Variants in GABRR1 observed in about 807,000 individuals in gnomAD.
GABRR1 encodes the protein gamma-aminobutyric acid type A receptor subunit rho1.
A neutral mutation model predicts 55.5 loss-of-function variants in GABRR1; 59 were observed. That is an observed-to-expected ratio of 1.06 (90% CI 0.86 to 1.32). The LOEUF is 1.32. GABRR1 is among the 40% of genes most tolerant of loss of function. GABRR1 has a pLI of 0.00. For synonymous variants in GABRR1, 213 were observed against 226.0 expected, an observed-to-expected ratio of 0.94 and a Z score of 0.51; for missense variants, 602 against 619.1, an observed-to-expected ratio of 0.97 and a Z score of 0.29.
At chr6:89,216,977 A>T (rs1040482324) in intron 1 of GABRR1, among the ~76,000 whole-genome samples, 97 of 152,198 alleles carry the variant, frequency 6.4e-4, no homozygotes, top group African/African-American at 2.3e-3. Flanking sequence ...AAGGAATTTT[A>T]AAAATGCACT....
chr6:89,183,135 G>A (rs1771780476), intron 7 of GABRR1, among the ~76,000 whole-genome samples: 1 of 135,392 alleles, frequency 7.4e-6, no homozygotes, highest in Non-Finnish European at 1.6e-5. Context: ...GAAGAGAAAG[G>A]GAGGATGATG....
chr6:89,199,458 A>G (rs1562299836), intron 3 of GABRR1, 29 bp from the exon 4 acceptor site: 1 of 1,605,758 alleles, frequency 6.2e-7, no homozygotes, highest in East Asian at 2.2e-5. Flanking sequence ...AAGAGCATTC[A>G]CTGTTTTTAC....
chr6:89,214,630 G>C (rs986925969), intron 1 of GABRR1, among the ~76,000 whole-genome samples: 3 of 152,146 alleles, frequency 2.0e-5, no homozygotes, highest in Non-Finnish European at 4.4e-5. Context: ...CATACAAGTG[G>C]CCAACAGATA....
At chr6:89,180,567 G>T in intron 8 of GABRR1, 79 bp from the exon 9 acceptor site, 3 of 1,520,066 alleles carry the variant, frequency 2.0e-6, no homozygotes, top group Non-Finnish European at 2.7e-6. Flanking sequence ...CTGCTCATTT[G>T]TCCCTGCTGC....
chr6:89,180,859 T>A (rs1353427400), intron 8 of GABRR1, among the ~76,000 whole-genome samples: 1 of 152,180 alleles, frequency 6.6e-6, no homozygotes, highest in Non-Finnish European at 1.5e-5. Flanking sequence ...TAACTACTGC[T>A]CCATCAAGGG....
At chr6:89,185,206 A>ACTG (rs1771863291) in intron 7 of GABRR1, 104 bp downstream of exon 7, 3 of 1,423,850 alleles carry the variant, frequency 2.1e-6, no homozygotes, top group Non-Finnish European at 2.9e-6. Context: ...TATAAGTGAC[A>ACTG]CTGCTCACCT....
intron 1 of GABRR1, chr6:89,204,746 T>C: frequency 1.1e-6 from 1 of 895,734 alleles, no homozygotes; most frequent in Non-Finnish European, 1.5e-6. Flanking sequence ...TTTTTCATTA[T>C]TAATATTATT....
chr6:89,187,563 G>C (rs1228578792), intron 6 of GABRR1, among the ~76,000 whole-genome samples: 1 of 152,094 alleles, frequency 6.6e-6, no homozygotes. Flanking sequence ...TCCATCTCCA[G>C]AACTCTTTTC....
chr6:89,207,367 G>C (rs1270529035), intron 1 of GABRR1, among the ~76,000 whole-genome samples: 1 of 151,944 alleles, frequency 6.6e-6, no homozygotes, highest in Non-Finnish European at 1.5e-5. Flanking sequence ...GCTAAGTTTT[G>C]TATTTTTTGT....
At position 89,199,394 on chromosome 6, in the gene GABRR1, C is replaced by G; in HGVS notation, c.316G>C (p.Glu106Gln). 8 of 1,614,030 alleles carry G rather than the reference C, an allele frequency of 5.0e-6. No individual in the cohort carries two copies. The highest frequency in any genetic ancestry group is 6.8e-6 in the Non-Finnish European group (8 of 1,179,954). The change falls in exon 4 of 10, where the codon GAG (glutamate) becomes CAG (glutamine). Residue 106 changes from glutamate (E) to glutamine (Q), a missense_variant. Around this residue, in one of 3 missense-constraint regions of GABRR1, gnomAD observed 435 missense variants for 424.2 expected, o/e 1.03. Coordinates refer to ENST00000454853, the MANE Select transcript of GABRR1 (RefSeq NM_002042.5). The part of the protein sequence containing the change: ...AIPVGVDVQV[E>Q]SLDSISEVDM... ...ACCTCTGAGATGCTATCCAAACTCT[C>G]CACCTGCACATCCACACCAACAGGA...
chr6:89,200,288 G>T (rs1041332319), intron 3 of GABRR1, among the ~76,000 whole-genome samples: 2 of 109,892 alleles, frequency 1.8e-5, no homozygotes, highest in Non-Finnish European at 3.4e-5. Context: ...TCACTCTGTT[G>T]CCCAGGCTGG....
intron 1 of GABRR1, among the ~76,000 whole-genome samples, chr6:89,210,379 AAAT>A (rs1772797810): frequency 6.6e-6 from 1 of 151,584 alleles, no homozygotes; most frequent in Non-Finnish European, 1.5e-5. Flanking sequence ...GTTTTTGTAG[AAAT>A]GGGGTTTCAC....
At chr6:89,220,163 T>C (rs1175763912), upstream of GABRR1, among the ~76,000 whole-genome samples, 1 of 152,196 alleles carries the variant, frequency 6.6e-6, no homozygotes. Flanking sequence ...AATGCCCAGA[T>C]TGGAAAATAC....
chr6:89,229,020 C>A (rs1340699857), intron 1 of GABRR1, among the ~76,000 whole-genome samples: 1 of 151,478 alleles, frequency 6.6e-6, no homozygotes, highest in East Asian at 1.9e-4. Flanking sequence ...TATGTAATGG[C>A]CTTCTTTGTC....
At chr6:89,187,037 G>A (rs1046446866) in intron 6 of GABRR1, among the ~76,000 whole-genome samples, 2 of 152,214 alleles carry the variant, frequency 1.3e-5, no homozygotes, top group Non-Finnish European at 2.9e-5. Context: ...ACACTGCCAG[G>A]GAGTGCCAGT....
chr6:89,194,555 A>G (rs1386816968), intron 5 of GABRR1, among the ~76,000 whole-genome samples: 1 of 152,194 alleles, frequency 6.6e-6, no homozygotes, highest in African/African-American at 2.4e-5. Flanking sequence ...TAACAAGACC[A>G]TGATTTGTAA....
At chr6:89,200,626 A>G (rs1404708382) in intron 3 of GABRR1, among the ~76,000 whole-genome samples, 2 of 151,948 alleles carry the variant, frequency 1.3e-5, no homozygotes, top group African/African-American at 4.8e-5. Flanking sequence ...GTGAAAAATT[A>G]TTGACATTAA....
chr6:89,213,852 A>AT (rs66685321), intron 1 of GABRR1, among the ~76,000 whole-genome samples: 74,901 of 126,070 alleles, frequency 0.59, 19,216 homozygotes, highest in Middle Eastern at 0.65. Context: ...TGTTTTTAAA[A>AT]TTTTTTTCTC....
At chr6:89,188,937 C>G (rs1771999536) in intron 6 of GABRR1, among the ~76,000 whole-genome samples, 2 of 152,096 alleles carry the variant, frequency 1.3e-5, no homozygotes, top group Admixed American at 6.6e-5. Context: ...CCTAGGGCAA[C>G]TGTTGTCAAA....
Sources: allele counts gnomAD v4.1 joint callset (sites outside exome capture counted in the v4.1 genomes callset), GRCh38; gene constraint gnomAD v4.1.1; regional missense constraint gnomAD v4.1.1; transcripts MANE v1.5; gene names NCBI Gene and HGNC (gene_info 2026-07-23, HGNC 2026-07-21).